The following DPYSL2 variants were observed in gnomAD, a reference collection of about 807,000 sequenced individuals.
The protein encoded by DPYSL2 is dihydropyrimidinase like 2.
DPYSL2 carries 13 observed loss-of-function variants against 69.9 expected under a neutral mutation model. That is an observed-to-expected ratio of 0.19 (90% CI 0.12 to 0.30). The LOEUF (loss-of-function observed/expected upper bound fraction) is 0.30, where lower values mean the gene tolerates loss of function less well. Ranked by LOEUF, DPYSL2 falls within the 10% of genes least tolerant of loss-of-function variation. DPYSL2 has a pLI of 1.00. For missense variants in DPYSL2, 587 were observed against 918.9 expected (o/e 0.64, Z 4.67); for synonymous variants, 326 against 359.1 (o/e 0.91, Z 1.04).
chr8:26,556,328 GTATATATATAGTA>G (rs1337283230), intron 1 of DPYSL2, among the ~76,000 whole-genome samples: 15 of 17,668 alleles, frequency 8.5e-4, no homozygotes, highest in South Asian at 1.5e-3. Flanking sequence ...TATATATATA[GTATATATATAGTA>G]TATATATATA....
rs1016069182 is a variant in DPYSL2 at position 26,588,460 on chromosome 8, C to T, written c.628+4477C>T. Among the ~76,000 whole-genome samples the T allele has an allele frequency of 6.6e-6, 1 of 152,178 alleles. No individual in the cohort carries two copies. Among genetic ancestry groups the T allele is most frequent in the African/African-American group, 2.4e-5 (1 of 41,428 alleles). On this transcript the variant is annotated intron_variant, in intron 3 of 13. Coordinates refer to ENST00000521913, the MANE Select transcript of DPYSL2 (RefSeq NM_001197293.3). The surrounding 1 kb of genome is among the most constrained non-coding windows in gnomAD (Gnocchi z 5.4). Reference sequence around the variant, plus strand: ...CTTTCAGGGGTGCATGCCGGATCTGCACACTCTGGATCTCCAGGGCTTGGG... The same window carrying T: ...CTTTCAGGGGTGCATGCCGGATCTGTACACTCTGGATCTCCAGGGCTTGGG...
Position 26,562,093 on chromosome 8 carries a change from C to T in DPYSL2, c.355-19876C>T, listed in dbSNP as rs913834508. On this transcript the variant is annotated intron_variant, in intron 1 of 13. Coordinates refer to ENST00000521913, the MANE Select transcript of DPYSL2 (RefSeq NM_001197293.3). The surrounding 1 kb of genome is among the most constrained non-coding windows in gnomAD (Gnocchi z 4.9). Reference sequence around the variant, plus strand: ...ACACTTGATAGTTTTCTCCTACTTACTCCACATCCAATCTATTAGTGACTT... The same window carrying T: ...ACACTTGATAGTTTTCTCCTACTTATTCCACATCCAATCTATTAGTGACTT... Among the ~76,000 whole-genome samples the T allele has an allele frequency of 2.6e-5, 4 of 152,224 alleles. No individual in the cohort carries two copies. Among genetic ancestry groups the T allele is most frequent in the African/African-American group, 7.2e-5 (3 of 41,460 alleles).
chr8:26,639,823 G>A (rs991642337), intron 8 of DPYSL2, among the ~76,000 whole-genome samples: 1 of 151,974 alleles, frequency 6.6e-6, no homozygotes, highest in African/African-American at 2.4e-5. Context: ...TTTACTACTG[G>A]ACGTAGAATC....
chr8:26,612,480 G>T (rs372737288), intron 3 of DPYSL2, among the ~76,000 whole-genome samples: 2 of 152,190 alleles, frequency 1.3e-5, no homozygotes, highest in Admixed American at 6.5e-5. Context: ...TAGATTCTCC[G>T]CAAGAATGGC....
chr8:26,600,093 T>C (rs1801957424), intron 3 of DPYSL2, among the ~76,000 whole-genome samples: 2 of 152,256 alleles, frequency 1.3e-5, no homozygotes, highest in Admixed American at 6.5e-5. Context: ...GTATCAATAC[T>C]TCATGACTTT....
At chr8:26,527,357 A>AC (rs1418117330) in intron 1 of DPYSL2, among the ~76,000 whole-genome samples, 1 of 152,126 alleles carries the variant, frequency 6.6e-6, no homozygotes, top group Non-Finnish European at 1.5e-5. Flanking sequence ...TTTCCTGAAA[A>AC]TTTTTTTAAG....
intron 1 of DPYSL2, among the ~76,000 whole-genome samples, chr8:26,563,058 A>G (rs6983735): frequency 0.1 from 15,550 of 152,158 alleles, 877 homozygotes; most frequent in Non-Finnish European, 0.12. Context: ...CTGTCCTTGG[A>G]AGGCATCTCT....
chr8:26,619,824 G>C lies in DPYSL2; in HGVS notation c.629-4319G>C, dbSNP rs938766217. On this transcript the variant is annotated intron_variant, in intron 3 of 13. Coordinates refer to ENST00000521913, the MANE Select transcript of DPYSL2 (RefSeq NM_001197293.3). This position sits in a 1 kb window ranked among gnomAD's most constrained non-coding sequence, Gnocchi z 4.8. ...TCTTGCTTCAGCCTTCCAAAGTGCT[G>C]GGATTATAGGCATGCGCCACTGCAC... is the stretch of plus-strand genomic sequence containing the variant. The C allele has an allele frequency of 2.6e-5, 4 of 152,372 alleles. No homozygotes were observed. Among genetic ancestry groups the C allele is most frequent in the Non-Finnish European group, 5.9e-5 (4 of 68,228 alleles). The allele number at this position is 152,372 out of a possible 1,614,324, so 9.4% of individuals were successfully genotyped here.
At chr8:26,599,530 TCCCTC>T (rs549518626) in intron 3 of DPYSL2, among the ~76,000 whole-genome samples, 1 of 149,932 alleles carries the variant, frequency 6.7e-6, no homozygotes, top group Non-Finnish European at 1.5e-5. Context: ...TAAGAGTATC[TCCCTC>T]CCCTCCCCTC....
chr8:26,655,556 A>G lies in DPYSL2; in HGVS notation c.1943-59A>G, dbSNP rs371838815. On this transcript the variant is annotated intron_variant, in intron 13 of 13. Coordinates refer to ENST00000521913, the MANE Select transcript of DPYSL2 (RefSeq NM_001197293.3). ...GAGCTGTGAGATTTCACCTTCAAGC[A>G]GGATCTTGTGTGACTGTCCTGGCCC... is the stretch of plus-strand genomic sequence containing the variant. 49 of 1,417,660 alleles carry G rather than the reference A, an allele frequency of 3.5e-5. No homozygotes were observed. The East Asian group carries it at 6.5e-4, about 19-fold the overall frequency. 87.8% of individuals were successfully genotyped at this position (1,417,660 alleles called of 1,614,324 possible). A position where few individuals can be genotyped will look rare whatever the true frequency, so the allele number is the denominator to read the frequency against.
At chr8:26,550,196 C>T (rs1000450818) in intron 1 of DPYSL2, among the ~76,000 whole-genome samples, 1 of 152,030 alleles carries the variant, frequency 6.6e-6, no homozygotes, top group Non-Finnish European at 1.5e-5. Flanking sequence ...GCATCACCTG[C>T]GATGAAGTGG....
Position 26,540,916 on chromosome 8 carries a change from A to C in DPYSL2, c.354+26237A>C, listed in dbSNP as rs576186816. On this transcript the variant is annotated intron_variant, in intron 1 of 13. Coordinates refer to ENST00000521913, the MANE Select transcript of DPYSL2 (RefSeq NM_001197293.3). ...TGAGACTCTGTCTCAAAAAAAAAAA[A>C]AAAAGGAAATATATTTAATACCCAA... is the stretch of plus-strand genomic sequence containing the variant. 1.1e-3 allele frequency among the ~76,000 whole-genome samples: 164 copies of C among 151,954 alleles called. 1 individual carries two copies. Among genetic ancestry groups the C allele is most frequent in the African/African-American group, 3.7e-3 (153 of 41,486 alleles).
intron 1 of DPYSL2, chr8:26,577,725 G>A (rs1006594050): frequency 5.9e-6 from 5 of 845,208 alleles, no homozygotes; most frequent in South Asian, 5.4e-5. Flanking sequence ...CGAAAGGCGC[G>A]CTCCCAGCGC....
At position 26,647,623 on chromosome 8, in the gene DPYSL2, C is replaced by A; in HGVS notation, c.1426-7C>A. The A allele has an allele frequency of 6.2e-7, 1 of 1,610,316 alleles. No individual in the cohort carries two copies. Among genetic ancestry groups the A allele is most frequent in the Middle Eastern group, 1.7e-4 (1 of 6,034 alleles). ...CCTCCTGTGCACACCTATGCTGTCT[C>A]CCTCAGGTCACTGGGAAGATGGATG... On this transcript the variant is annotated splice_polypyrimidine_tract_variant and splice_region_variant and intron_variant, in intron 10 of 13. Coordinates refer to ENST00000521913, the MANE Select transcript of DPYSL2 (RefSeq NM_001197293.3). The surrounding 1 kb of genome is among the most constrained non-coding windows in gnomAD (Gnocchi z 5.1).
At chr8:26,600,525 A>G (rs1311922082) in intron 3 of DPYSL2, among the ~76,000 whole-genome samples, 1 of 152,006 alleles carries the variant, frequency 6.6e-6, no homozygotes, top group African/African-American at 2.4e-5. Context: ...TGTGGCTTTA[A>G]TTTTAGGCTT....
chr8:26,620,675 A>T lies in DPYSL2; in HGVS notation c.629-3468A>T, dbSNP rs909700326. ...ATAATAATGATAAAGTATTTTTTAA[A>T]GTCATCATGAATCAATAGAAGGAAA... On this transcript the variant is annotated intron_variant, in intron 3 of 13. Coordinates refer to ENST00000521913, the MANE Select transcript of DPYSL2 (RefSeq NM_001197293.3). The surrounding 1 kb of genome is among the most constrained non-coding windows in gnomAD (Gnocchi z 4.5). 6.6e-6 allele frequency among the ~76,000 whole-genome samples: 1 copy of T among 152,204 alleles called. No homozygotes were observed. Among genetic ancestry groups the T allele is most frequent in the Admixed American group, 6.5e-5 (1 of 15,280 alleles).
intron 1 of DPYSL2, among the ~76,000 whole-genome samples, chr8:26,543,283 C>G (rs373429938): frequency 6.6e-6 from 1 of 152,164 alleles, no homozygotes; most frequent in Non-Finnish European, 1.5e-5. Flanking sequence ...GATGCACATA[C>G]GTCAGTTGGC....
chr8:26,583,781 C>T lies in DPYSL2; in HGVS notation c.444-18C>T. On this transcript the variant is annotated intron_variant, in intron 2 of 13. Transcript: ENST00000521913. Reference sequence around the variant, plus strand: ...CACATTTCATTTACAACCCTTATCACCAACCCTGTTTATTTAGGCAAATAG... The same window carrying T: ...CACATTTCATTTACAACCCTTATCATCAACCCTGTTTATTTAGGCAAATAG... 6.2e-7 allele frequency: 1 copy of T among 1,601,134 alleles called. No individual in the cohort carries two copies. The highest frequency in any genetic ancestry group is 1.3e-5 in the African/African-American group (1 of 74,678).
At chr8:26,574,857 C>T (rs1185533833) in intron 1 of DPYSL2, among the ~76,000 whole-genome samples, 1 of 152,204 alleles carries the variant, frequency 6.6e-6, no homozygotes, top group Non-Finnish European at 1.5e-5. Flanking sequence ...GATCTTTCTG[C>T]CTCAGCCCCA....
Sources: allele counts gnomAD v4.1 joint callset (sites outside exome capture counted in the v4.1 genomes callset), GRCh38; gene constraint gnomAD v4.1.1; non-coding constraint Gnocchi (gnomAD v3.1); transcripts MANE v1.5; gene names NCBI Gene and HGNC (gene_info 2026-07-23, HGNC 2026-07-21).